Variants in TMEM132C observed in about 807,000 individuals in gnomAD.
TMEM132C encodes the protein protein phosphatase 1, regulatory subunit 152.
Under a neutral mutation model 61.4 loss-of-function variants are expected in TMEM132C, and 29 were observed. The observed-to-expected ratio is 0.47, with a 90% CI of 0.35 to 0.64. The LOEUF (loss-of-function observed/expected upper bound fraction) is 0.64, where lower values mean the gene tolerates loss of function less well. Among genes scored for constraint, TMEM132C ranks in the 30% least tolerant of loss-of-function variants. The probability of loss-of-function intolerance (pLI) is 0.00; values close to 1 mark genes in which losing one functional copy is unlikely to be tolerated. For missense variants in TMEM132C, 1,408 were observed against 1,476.9 expected (o/e 0.95, Z 0.76); for synonymous variants, 656 against 633.1 (o/e 1.04, Z -0.54).
In TMEM132C at chr12:128,637,612, C is replaced by T. The variant is rs151035834; in HGVS notation, c.1305+21277C>T. Among the ~76,000 whole-genome samples, 677 of 152,252 alleles carry T rather than the reference C, an allele frequency of 4.4e-3. 4 individuals are homozygous for T. The highest frequency in any genetic ancestry group is 0.015 in the African/African-American group (640 of 41,546). On this transcript the variant is annotated intron_variant, in intron 4 of 8. Transcript: ENST00000435159. ...AGAGATGGGGTCTTGCTACATTGCCCGGGCTGGCCTGGAACTCGTGGGCTC... is the reference window on the plus strand; with the variant it reads ...AGAGATGGGGTCTTGCTACATTGCCTGGGCTGGCCTGGAACTCGTGGGCTC...
intron 2 of TMEM132C, among the ~76,000 whole-genome samples, chr12:128,519,037 T>C (rs1270607865): frequency 6.6e-6 from 1 of 152,254 alleles, no homozygotes; most frequent in Non-Finnish European, 1.5e-5. Context: ...TATATTATTA[T>C]GTATAATTTA....
chr12:128,420,484 A>T (rs573126906), intron 2 of TMEM132C, among the ~76,000 whole-genome samples: 73 of 152,312 alleles, frequency 4.8e-4, no homozygotes, highest in African/African-American at 1.7e-3. Flanking sequence ...GCGAGCTCAG[A>T]GGGGAGCTGG....
At chr12:128,692,326 T>A (rs572805386) in intron 5 of TMEM132C, among the ~76,000 whole-genome samples, 2 of 152,376 alleles carry the variant, frequency 1.3e-5, no homozygotes, top group South Asian at 4.1e-4. Context: ...ACTGAGCTCC[T>A]GCTTCATAAG....
intron 2 of TMEM132C, among the ~76,000 whole-genome samples, chr12:128,537,334 C>T (rs1300640530): frequency 6.6e-6 from 1 of 152,160 alleles, no homozygotes; most frequent in Non-Finnish European, 1.5e-5. Flanking sequence ...TTCCAAATGG[C>T]TGGTTTCCGT....
chr12:128,465,189 C>A (rs887528761), intron 2 of TMEM132C, among the ~76,000 whole-genome samples: 38 of 151,610 alleles, frequency 2.5e-4, no homozygotes, highest in African/African-American at 9.2e-4. Context: ...TCATCCTGAT[C>A]ATTCTTCATT....
intron 3 of TMEM132C, among the ~76,000 whole-genome samples, chr12:128,588,479 GTTCA>G (rs1169281343): frequency 6.6e-6 from 1 of 152,132 alleles, no homozygotes. Flanking sequence ...ATGTGTGTGT[GTTCA>G]TTCATTCATC....
intron 1 of TMEM132C, among the ~76,000 whole-genome samples, chr12:128,299,995 C>T (rs752250389): frequency 1.3e-5 from 2 of 152,156 alleles, no homozygotes; most frequent in Non-Finnish European, 2.9e-5. Context: ...TAGACACAGT[C>T]GGCCAGTGTT....
chr12:128,620,387 G>A (rs757010940), intron 4 of TMEM132C, among the ~76,000 whole-genome samples: 1 of 152,140 alleles, frequency 6.6e-6, no homozygotes, highest in Non-Finnish European at 1.5e-5. Flanking sequence ...TGGAGCGACA[G>A]ACAGCAAACA....
intron 1 of TMEM132C, among the ~76,000 whole-genome samples, chr12:128,295,284 G>A (rs10847595): frequency 0.28 from 43,304 of 151,990 alleles, 6,861 homozygotes; most frequent in Admixed American, 0.36. Context: ...CAGTCCTCCT[G>A]CCTCAGTCTC....
intron 4 of TMEM132C, among the ~76,000 whole-genome samples, chr12:128,628,080 C>A (rs1270796982): frequency 1.3e-5 from 2 of 152,162 alleles, no homozygotes; most frequent in Non-Finnish European, 2.9e-5. Flanking sequence ...CGAAATGCAT[C>A]TCAAATGCAG....
At chr12:128,674,761 T>G (rs577078375) in intron 5 of TMEM132C, among the ~76,000 whole-genome samples, 1 of 152,328 alleles carries the variant, frequency 6.6e-6, no homozygotes, top group Admixed American at 6.5e-5. Flanking sequence ...TGTGAGGTTT[T>G]TGGTGCAACC....
At chr12:128,470,228 G>A (rs1870901688) in intron 2 of TMEM132C, among the ~76,000 whole-genome samples, 1 of 152,198 alleles carries the variant, frequency 6.6e-6, no homozygotes, top group Non-Finnish European at 1.5e-5. Context: ...TGCTGAGGCA[G>A]AGAAAGTGGC....
At position 128,600,651 on chromosome 12, in the gene TMEM132C, T is replaced by C. The variant is rs560444304; in HGVS notation, c.1122-15501T>C. 5.3e-5 allele frequency among the ~76,000 whole-genome samples: 8 copies of C among 152,292 alleles called. No homozygotes were observed. In the South Asian group the frequency reaches 1.2e-3, roughly 24 times the overall value. ...CAAGACTTGCTGCCTTCCAATGCACTCTGGTCAGTCTCCTCGCGTGTCTTT... is the reference window on the plus strand; with the variant it reads ...CAAGACTTGCTGCCTTCCAATGCACCCTGGTCAGTCTCCTCGCGTGTCTTT... On this transcript the variant is annotated intron_variant, in intron 3 of 8. Coordinates refer to ENST00000435159, the MANE Select transcript of TMEM132C (RefSeq NM_001136103.3).
chr12:128,689,304 A>G (rs1451076136), intron 5 of TMEM132C, among the ~76,000 whole-genome samples: 2 of 152,202 alleles, frequency 1.3e-5, no homozygotes, highest in East Asian at 3.9e-4. Context: ...AGAACATTCA[A>G]AATTTTCTCT....
chr12:128,546,728 T>G (rs1277175625), intron 3 of TMEM132C, among the ~76,000 whole-genome samples: 1 of 152,210 alleles, frequency 6.6e-6, no homozygotes, highest in Admixed American at 6.5e-5. Flanking sequence ...GGAGTCACCA[T>G]GCCTGGCCCC....
chr12:128,327,508 G>A (rs1191741283), intron 1 of TMEM132C, among the ~76,000 whole-genome samples: 6 of 139,648 alleles, frequency 4.3e-5, no homozygotes, highest in Non-Finnish European at 7.4e-5. Context: ...TCAACCTCCC[G>A]AGTAGCTGGG....
intron 3 of TMEM132C, among the ~76,000 whole-genome samples, chr12:128,601,834 G>A (rs1013876920): frequency 6.6e-6 from 1 of 152,210 alleles, no homozygotes; most frequent in Admixed American, 6.5e-5. Flanking sequence ...GGAGGTAAAA[G>A]CATTGCAGAT....
At chr12:128,500,631 A>G (rs1182146957) in intron 2 of TMEM132C, among the ~76,000 whole-genome samples, 1 of 152,156 alleles carries the variant, frequency 6.6e-6, no homozygotes, top group African/African-American at 2.4e-5. Flanking sequence ...TACAGAGCAA[A>G]ACCACAAGGA....
intron 2 of TMEM132C, among the ~76,000 whole-genome samples, chr12:128,419,952 G>T (rs751244659): frequency 6.6e-6 from 1 of 152,078 alleles, no homozygotes; most frequent in Non-Finnish European, 1.5e-5. Flanking sequence ...CAGCACTTTG[G>T]GAGGCCGAGG....
Sources: allele counts gnomAD v4.1 joint callset (sites outside exome capture counted in the v4.1 genomes callset), GRCh38; gene constraint gnomAD v4.1.1; transcripts MANE v1.5; gene names NCBI Gene and HGNC (gene_info 2026-07-23, HGNC 2026-07-21).